KCNQ5: variants seen among roughly 807,000 people sequenced by gnomAD.
KCNQ5 encodes the protein potassium voltage-gated channel subfamily Q member 5, also known as potassium voltage-gated channel subfamily KQT member 5.
In KCNQ5, 30 loss-of-function variants were observed where a neutral mutation model predicts 98.2. The observed-to-expected ratio is 0.31, with a 90% CI of 0.23 to 0.41. The LOEUF is 0.41. Ranked by LOEUF, KCNQ5 falls within the 10% of genes least tolerant of loss-of-function variation. The pLI, the probability that KCNQ5 is intolerant of heterozygous loss-of-function variation, is 1.00. For missense variants in KCNQ5, 835 were observed against 1,182.5 expected (o/e 0.71, Z 4.31); for synonymous variants, 458 against 449.4 (o/e 1.02, Z -0.24).
At chr6:73,154,771 A>T (rs1974369) in intron 10 of KCNQ5, among the ~76,000 whole-genome samples, 1 of 152,048 alleles carries the variant, frequency 6.6e-6, no homozygotes, top group Non-Finnish European at 1.5e-5. Flanking sequence ...AAATATTTTC[A>T]TGGGCTAATA....
chr6:72,743,359 C>T (rs1365553802), intron 1 of KCNQ5, among the ~76,000 whole-genome samples: 1 of 151,538 alleles, frequency 6.6e-6, no homozygotes, highest in Non-Finnish European at 1.5e-5. Flanking sequence ...TTTTAGTCAT[C>T]AAAACAATTT....
Position 72,622,076 on chromosome 6 carries a change from C to G in KCNQ5, c.-114C>G, listed in dbSNP as rs1342433400. On this transcript the variant is annotated 5_prime_UTR_variant, in exon 1 of 14. Transcript: ENST00000370398. This position sits in a 1 kb window ranked among gnomAD's most constrained non-coding sequence, Gnocchi z 6.0. ...CCGCCCCCGGCTCAGAGGTCTCTGG[C>G]TGGCGGGCGCCCCGTCGGCCGCCGG... is the stretch of plus-strand genomic sequence containing the variant. 8.7e-6 allele frequency: 8 copies of G among 922,562 alleles called. No individual in the cohort carries two copies. Among genetic ancestry groups the G allele is most frequent in the Non-Finnish European group, 1.1e-5 (8 of 713,668 alleles). The allele number at this position is 922,562 out of a possible 1,614,324, so 57.1% of individuals were successfully genotyped here.
chr6:72,949,392 C>G lies in KCNQ5; in HGVS notation c.399-54516C>G, dbSNP rs188405409. On this transcript the variant is annotated intron_variant, in intron 1 of 13. Transcript: ENST00000370398. The stretch of plus-strand genomic sequence containing the variant: ...GATCCACCATGTTGAAACAGAGCCT[C>G]CCATGTAAAGTGGTAGACAAGGACA... 3.6e-3 allele frequency among the ~76,000 whole-genome samples: 540 copies of G among 152,094 alleles called. 3 individuals carry two copies. The highest frequency in any genetic ancestry group is 6.0e-3 in the Non-Finnish European group (406 of 67,936).
At chr6:72,948,319 C>T (rs1323598657) in intron 1 of KCNQ5, among the ~76,000 whole-genome samples, 3 of 151,892 alleles carry the variant, frequency 2.0e-5, no homozygotes, top group Admixed American at 6.6e-5. Flanking sequence ...ACTGACCTGT[C>T]GTTACCATAC....
At chr6:72,751,439 A>G (rs1358762954) in intron 1 of KCNQ5, among the ~76,000 whole-genome samples, 2 of 152,028 alleles carry the variant, frequency 1.3e-5, no homozygotes, top group African/African-American at 4.8e-5. Context: ...AGAAAAAAAC[A>G]TAATTTTTTG....
At chr6:72,734,697 C>T (rs1561949791) in intron 1 of KCNQ5, among the ~76,000 whole-genome samples, 2 of 151,918 alleles carry the variant, frequency 1.3e-5, no homozygotes, top group Non-Finnish European at 2.9e-5. Context: ...GCAGTAGAGC[C>T]CAGAAAAACT....
At chr6:73,168,722 A>T (rs1022561945) in intron 10 of KCNQ5, among the ~76,000 whole-genome samples, 2 of 151,968 alleles carry the variant, frequency 1.3e-5, no homozygotes, top group African/African-American at 4.8e-5. Context: ...AAAAAAAAAA[A>T]GGTATTTGGA....
chr6:72,648,407 A>G (rs951497603), intron 1 of KCNQ5, among the ~76,000 whole-genome samples: 1 of 152,192 alleles, frequency 6.6e-6, no homozygotes, highest in African/African-American at 2.4e-5. Context: ...AATACCATAC[A>G]GTAATTGAAA....
chr6:73,121,336 T>TA (rs113225446), intron 8 of KCNQ5, among the ~76,000 whole-genome samples: 273 of 139,124 alleles, frequency 2.0e-3, no homozygotes, highest in African/African-American at 2.9e-3. Flanking sequence ...GATCTGTAAT[T>TA]AAAAAAAAAA....
Position 73,183,380 on chromosome 6 carries a change from G to C in KCNQ5, c.1578-7193G>C, listed in dbSNP as rs576197849. Among the ~76,000 whole-genome samples, 9 of 152,266 alleles carry C rather than the reference G, an allele frequency of 5.9e-5. No individual in the cohort carries two copies. In the South Asian group the frequency reaches 1.9e-3, roughly 32 times the overall value. ...AGAGTTTTAAGTTGACAGAATGCAG[G>C]TAAAGTACTTAGCACTGCACCAGCC... On this transcript the variant is annotated intron_variant, in intron 11 of 13. Coordinates refer to ENST00000370398, the MANE Select transcript of KCNQ5 (RefSeq NM_019842.4).
chr6:73,072,895 GC>G (rs1203874484), intron 3 of KCNQ5, among the ~76,000 whole-genome samples: 2 of 151,682 alleles, frequency 1.3e-5, no homozygotes, highest in African/African-American at 2.4e-5. Context: ...TGGATTACAT[GC>G]TTTTTTTTTT....
intron 9 of KCNQ5, among the ~76,000 whole-genome samples, chr6:73,128,951 T>A (rs1300993468): frequency 6.6e-6 from 1 of 152,224 alleles, no homozygotes; most frequent in Non-Finnish European, 1.5e-5. Context: ...TGTGTGGCTC[T>A]TGGAGAGAAC....
At chr6:72,815,514 C>T (rs961604162) in intron 1 of KCNQ5, among the ~76,000 whole-genome samples, 8 of 152,086 alleles carry the variant, frequency 5.3e-5, no homozygotes, top group African/African-American at 1.4e-4. Flanking sequence ...TTTAGTTTGA[C>T]GAAAGGGAAG....
chr6:72,634,205 A>G (rs2098922689), intron 1 of KCNQ5, among the ~76,000 whole-genome samples: 1 of 152,226 alleles, frequency 6.6e-6, no homozygotes. Context: ...TGTTGAATAA[A>G]TGAATTATAG....
chr6:73,020,752 G>T (rs1770566405), intron 2 of KCNQ5, among the ~76,000 whole-genome samples: 1 of 152,118 alleles, frequency 6.6e-6, no homozygotes, highest in African/African-American at 2.4e-5. Flanking sequence ...TCACTTTGAA[G>T]ATTCTAAGGA....
At chr6:72,859,303 A>G (rs576375385) in intron 1 of KCNQ5, among the ~76,000 whole-genome samples, 2 of 152,308 alleles carry the variant, frequency 1.3e-5, no homozygotes, top group South Asian at 4.1e-4. Context: ...AATGGCATTG[A>G]ACACATCTAT....
At chr6:72,962,075 G>A (rs1277939091) in intron 1 of KCNQ5, among the ~76,000 whole-genome samples, 1 of 151,542 alleles carries the variant, frequency 6.6e-6, no homozygotes, top group Non-Finnish European at 1.5e-5. Context: ...CTACTTGGGA[G>A]ACTGAGGCAG....
intron 2 of KCNQ5, among the ~76,000 whole-genome samples, chr6:73,038,832 G>C (rs1202578128): frequency 1.3e-5 from 2 of 151,842 alleles, no homozygotes; most frequent in African/African-American, 4.8e-5. Context: ...TCTTTGTCTG[G>C]TTTTGGTGTC....
At chr6:72,843,010 G>A (rs1383866841) in intron 1 of KCNQ5, among the ~76,000 whole-genome samples, 4 of 152,118 alleles carry the variant, frequency 2.6e-5, no homozygotes, top group Non-Finnish European at 4.4e-5. Context: ...GTCAATATTG[G>A]CTTTCGTTGC....
Sources: allele counts gnomAD v4.1 joint callset (sites outside exome capture counted in the v4.1 genomes callset), GRCh38; gene constraint gnomAD v4.1.1; non-coding constraint Gnocchi (gnomAD v3.1); transcripts MANE v1.5; gene names NCBI Gene and HGNC (gene_info 2026-07-23, HGNC 2026-07-21).